Variants in CIB1 observed in about 807,000 individuals in gnomAD.
The protein encoded by CIB1 is calcium and integrin-binding protein 1.
CIB1 carries 19 observed loss-of-function variants against 25.0 expected under a neutral mutation model. That is an observed-to-expected ratio of 0.76 (90% CI 0.53 to 1.12). CIB1 has a LOEUF of 1.12. Ranked by LOEUF, CIB1 falls within the 50% of genes most tolerant of loss-of-function variation. The pLI is 0.00. For synonymous variants in CIB1, 104 were observed against 98.5 expected (o/e 1.06, Z -0.33); for missense variants, 236 against 242.6 (o/e 0.97, Z 0.18).
At chr15:90,246,332 C>T in the CIB1 span, among the ~76,000 whole-genome samples, 2 of 152,014 alleles carry the variant, frequency 1.3e-5, no homozygotes, top group Non-Finnish European at 2.9e-5. Flanking sequence ...GCCTCATGTA[C>T]TAAGAGGGTT....
the CIB1 span, chr15:90,241,471 C>G: frequency 1.2e-6 from 2 of 1,613,632 alleles, no homozygotes; most frequent in Non-Finnish European, 1.7e-6. Flanking sequence ...GCACTGAGGG[C>G]AGGGATTGAG....
Position 90,233,752 on chromosome 15 carries a change from G to C in CIB1, c.52-49C>G, listed in dbSNP as rs8025610. 233,638 of 1,554,372 alleles carry C rather than the reference G, an allele frequency of 0.15. 18,873 individuals are homozygous for C. The highest frequency in any genetic ancestry group is 0.2 in the African/African-American group (14,932 of 73,296). On this transcript the variant is annotated intron_variant, in intron 1 of 6. Coordinates refer to ENST00000328649, the MANE Select transcript of CIB1 (RefSeq NM_006384.4). ...GATTAGCGGACCGCTGGGAGGCCGCGGCCGCCCCGCAGCCAGCTCCCGGAC... is the reference window on the plus strand; with the variant it reads ...GATTAGCGGACCGCTGGGAGGCCGCCGCCGCCCCGCAGCCAGCTCCCGGAC...
chr15:90,241,034 G>C, the CIB1 span: 1 of 1,614,156 alleles, frequency 6.2e-7, no homozygotes, highest in Non-Finnish European at 8.5e-7. Flanking sequence ...AAGGGATTCA[G>C]TGGCCAAGGA....
upstream of CIB1, chr15:90,233,984 A>G (rs1962574364): frequency 7.5e-7 from 1 of 1,335,822 alleles, no homozygotes; most frequent in Non-Finnish European, 9.8e-7. Context: ...CCCCGCGGCA[A>G]CCGCTCCTGG....
At chr15:90,256,555 T>TTCTC in the CIB1 span, among the ~76,000 whole-genome samples, 2 of 38,956 alleles carry the variant, frequency 5.1e-5, no homozygotes, top group Non-Finnish European at 1.0e-4. Context: ...TTTTCTTTCT[T>TTCTC]TCTTTCTTTC....
the CIB1 span, among the ~76,000 whole-genome samples, chr15:90,254,491 T>TAAAAAAAAAA: frequency 7.1e-5 from 6 of 84,206 alleles, no homozygotes; most frequent in East Asian, 1.6e-3. Context: ...AGACTCCATC[T>TAAAAAAAAAA]AAAAAAAAAA....
upstream of CIB1, among the ~76,000 whole-genome samples, chr15:90,238,880 G>A (rs1020073465): frequency 1.3e-5 from 2 of 152,158 alleles, no homozygotes; most frequent in Non-Finnish European, 2.9e-5. Flanking sequence ...TCTGAGCCAT[G>A]GGAATTTGAG....
At chr15:90,257,914 C>T in the CIB1 span, 1 of 1,020,506 alleles carries the variant, frequency 9.8e-7, no homozygotes, top group Non-Finnish European at 1.4e-6. Context: ...AGTCCCTGCT[C>T]CAAACTGCTA....
chr15:90,235,669 G>A (rs1962619502), upstream of CIB1, among the ~76,000 whole-genome samples: 1 of 151,716 alleles, frequency 6.6e-6, no homozygotes, highest in Non-Finnish European at 1.5e-5. Context: ...CTGGGTTCAC[G>A]CCATTCTTCT....
upstream of CIB1, among the ~76,000 whole-genome samples, chr15:90,235,617 G>A (rs957062640): frequency 2.0e-5 from 3 of 152,010 alleles, no homozygotes; most frequent in African/African-American, 7.3e-5. Context: ...GCCTAGGCTG[G>A]AGTGCAGTGG....
chr15:90,263,765 G>A, the CIB1 span: 1 of 696,650 alleles, frequency 1.4e-6, no homozygotes, highest in East Asian at 2.7e-5. Context: ...GACAGGCTGG[G>A]CAGTCAAGAA....
the CIB1 span, among the ~76,000 whole-genome samples, chr15:90,253,003 ACAAAC>A: frequency 6.6e-6 from 1 of 152,058 alleles, no homozygotes; most frequent in Non-Finnish European, 1.5e-5. Flanking sequence ...TCTCTAAAAA[ACAAAC>A]AAACAAACAA....
At chr15:90,262,315 CAG>C in the CIB1 span, 11 of 1,200,460 alleles carry the variant, frequency 9.2e-6, no homozygotes, top group Non-Finnish European at 1.2e-5. Flanking sequence ...TAAATCCTAT[CAG>C]ACTCTTAGTG....
At chr15:90,248,700 C>CATT in the CIB1 span, among the ~76,000 whole-genome samples, 1 of 82,224 alleles carries the variant, frequency 1.2e-5, no homozygotes, top group African/African-American at 4.5e-5. Context: ...GCCTGGGCTA[C>CATT]AAAGCAAGAC....
chr15:90,248,748 AAAAAAAAAAAGT>A, the CIB1 span, among the ~76,000 whole-genome samples: 1 of 127,302 alleles, frequency 7.9e-6, no homozygotes, highest in Non-Finnish European at 1.6e-5. Context: ...AAAAAAAAAA[AAAAAAAAAAAGT>A]CCATGTCTTT....
chr15:90,241,080 C>T, the CIB1 span: 6 of 1,614,198 alleles, frequency 3.7e-6, no homozygotes, highest in South Asian at 3.3e-5. Context: ...GCCACAATCT[C>T]CCTTTGATGC....
chr15:90,265,583 C>T, the CIB1 span: 62 of 1,400,808 alleles, frequency 4.4e-5, no homozygotes, highest in Middle Eastern at 2.5e-4. Flanking sequence ...CCAGATCTTA[C>T]CCCCACCAAG....
At chr15:90,264,067 G>A in the CIB1 span, 1 of 1,502,158 alleles carries the variant, frequency 6.7e-7, no homozygotes, top group Non-Finnish European at 9.0e-7. Context: ...CCGTAAGTAT[G>A]CAAAACTAGC....
the CIB1 span, chr15:90,265,188 G>A: frequency 7.5e-7 from 1 of 1,340,084 alleles, no homozygotes; most frequent in South Asian, 1.6e-5. Context: ...AGGCGCCAAG[G>A]CCAGCCATGT....
Sources: allele counts gnomAD v4.1 joint callset (sites outside exome capture counted in the v4.1 genomes callset), GRCh38; gene constraint gnomAD v4.1.1; transcripts MANE v1.5; gene names NCBI Gene and HGNC (gene_info 2026-07-23, HGNC 2026-07-21).